Variants in ARIH2 observed in about 807,000 individuals in gnomAD.
ARIH2 encodes the protein ariadne RBR E3 ubiquitin protein ligase 2, also known as E3 ubiquitin-protein ligase ARIH2.
A neutral mutation model predicts 79.8 loss-of-function variants in ARIH2; 12 were observed. The ratio of observed to expected loss-of-function variants is 0.15; its 90% CI spans 0.10 to 0.24. The LOEUF (loss-of-function observed/expected upper bound fraction) is 0.24, where lower values mean the gene tolerates loss of function less well. Ranked by LOEUF, ARIH2 falls within the 10% of genes least tolerant of loss-of-function variation. The pLI is 1.00. For missense variants in ARIH2, 301 were observed against 618.3 expected (o/e 0.49, Z 5.44); for synonymous variants, 224 against 213.9 (o/e 1.05, Z -0.41).
chr3:48,939,757 C>CAAAAAAAAAAAAAAAAAAACAAAAAAA (rs2087771415), intron 3 of ARIH2, among the ~76,000 whole-genome samples: 1 of 43,534 alleles, frequency 2.3e-5, no homozygotes, highest in African/African-American at 5.1e-5. Flanking sequence ...GACTCCATCT[C>CAAAAAAAAAAAAAAAAAAACAAAAAAA]AAAAAAAAAA....
chr3:48,927,696 G>C lies in ARIH2; in HGVS notation c.138G>C (p.Val46=). The change falls in exon 3 of 16, where the codon GTG becomes GTC. Residue 46 remains valine, a synonymous_variant. Transcript: ENST00000356401. ...ATTACGTGGGAGTAGCCAGCGATGT[G>C]GAGCAGCAGGGGGCTGATGCCTTTG... is the stretch of plus-strand genomic sequence containing the variant. ...EDYYVGVASD[V]EQQGADAFDP... 1 of 1,614,200 alleles carries C rather than the reference G, an allele frequency of 6.2e-7. No individual in the cohort carries two copies. Among genetic ancestry groups the C allele is most frequent in the East Asian group, 2.2e-5 (1 of 44,888 alleles).
intron 9 of ARIH2, among the ~76,000 whole-genome samples, chr3:48,974,112 A>G (rs2092385667): frequency 6.6e-6 from 1 of 152,212 alleles, no homozygotes; most frequent in South Asian, 2.1e-4. Context: ...AGCCTTTAAC[A>G]GCCCTGAAAG....
intron 3 of ARIH2, among the ~76,000 whole-genome samples, chr3:48,958,835 A>G (rs1302516586): frequency 1.3e-5 from 2 of 152,030 alleles, no homozygotes; most frequent in African/African-American, 4.8e-5. Flanking sequence ...GGCAACATGG[A>G]GAAACCATGT....
intron 2 of ARIH2, among the ~76,000 whole-genome samples, chr3:48,925,780 G>A (rs554425091): frequency 5.6e-4 from 84 of 150,322 alleles, no homozygotes; most frequent in East Asian, 2.2e-3. Flanking sequence ...GTACAGTGGC[G>A]GGATCTCGGC....
intron 8 of ARIH2, 131 bp from the exon 9 acceptor site, chr3:48,973,567 CT>C: frequency 4.9e-6 from 3 of 609,710 alleles, no homozygotes; most frequent in Non-Finnish European, 8.5e-6. Context: ...CAGAGCAAGA[CT>C]CTGTCTCAAA....
At chr3:48,976,854 A>C (rs1474887119) in intron 11 of ARIH2, among the ~76,000 whole-genome samples, 1 of 151,636 alleles carries the variant, frequency 6.6e-6, no homozygotes, top group East Asian at 1.9e-4. Context: ...CAGTGAGCCG[A>C]GATTGTGCCA....
At chr3:48,929,463 T>G (rs1008591777) in intron 3 of ARIH2, among the ~76,000 whole-genome samples, 3 of 152,148 alleles carry the variant, frequency 2.0e-5, no homozygotes, top group Non-Finnish European at 4.4e-5. Flanking sequence ...CCGCCTCATC[T>G]CTTACTGCCC....
At position 48,955,395 on chromosome 3, in the gene ARIH2, G is replaced by T. The variant is rs1483024985; in HGVS notation, c.256-6217G>T. Among the ~76,000 whole-genome samples the T allele has an allele frequency of 7.3e-5, 11 of 151,358 alleles. No homozygotes were observed. In the East Asian group the frequency reaches 2.1e-3, roughly 29 times the overall value. ...CTGGATCCATTTTTCTTTTGGAAAA[G>T]ATTTGGCCTTTTCTTTATAAGTTGT... On this transcript the variant is annotated intron_variant, in intron 3 of 15. Transcript: ENST00000356401.
rs189869630 is a variant in ARIH2, at chr3:48,938,430, A to G, written c.255+10617A>G. 5.4e-3 allele frequency among the ~76,000 whole-genome samples: 816 copies of G among 152,312 alleles called. 1 individual carries two copies. The highest frequency in any genetic ancestry group is 8.2e-3 in the Non-Finnish European group (557 of 68,036). On this transcript the variant is annotated intron_variant, in intron 3 of 15. Coordinates refer to ENST00000356401, the MANE Select transcript of ARIH2 (RefSeq NM_006321.4). ...TACTTCTCAGCAGTATGAAAGAATG[A>G]GCTACTTATATAAGCATCATTGATA...
intron 11 of ARIH2, among the ~76,000 whole-genome samples, chr3:48,976,069 C>T (rs894358228): frequency 6.6e-6 from 1 of 151,876 alleles, no homozygotes; most frequent in Non-Finnish European, 1.5e-5. Context: ...CACCACCACA[C>T]CTGGCTACTT....
chr3:48,972,145 C>T (rs1332534769), intron 8 of ARIH2, among the ~76,000 whole-genome samples: 1 of 152,158 alleles, frequency 6.6e-6, no homozygotes, highest in Non-Finnish European at 1.5e-5. Context: ...CTCAGAGCAC[C>T]TCACCATGCC....
intron 11 of ARIH2, chr3:48,975,238 T>C (rs2092436624): frequency 5.1e-6 from 3 of 591,610 alleles, no homozygotes; most frequent in Non-Finnish European, 8.8e-6. Context: ...TCCTCAGTTA[T>C]CCAAGAAGAT....
At chr3:48,919,296 G>T in intron 1 of ARIH2, 1 of 1,009,278 alleles carries the variant, frequency 9.9e-7, no homozygotes, top group Non-Finnish European at 1.3e-6. Context: ...TGGCGCGGCG[G>T]GGAAACGCGC....
At chr3:48,928,516 G>A (rs2085940319) in intron 3 of ARIH2, among the ~76,000 whole-genome samples, 1 of 152,046 alleles carries the variant, frequency 6.6e-6, no homozygotes, top group African/African-American at 2.4e-5. Flanking sequence ...TCTAACACTG[G>A]CCATTATGGG....
intron 3 of ARIH2, chr3:48,948,971 G>T: frequency 2.4e-6 from 1 of 415,880 alleles, no homozygotes; most frequent in Middle Eastern, 3.5e-4. Context: ...GGGACATTGG[G>T]TTGTTTCTAA....
chr3:48,941,799 G>T (rs1454079708), intron 3 of ARIH2, among the ~76,000 whole-genome samples: 1 of 151,162 alleles, frequency 6.6e-6, no homozygotes, highest in African/African-American at 2.4e-5. Flanking sequence ...AGCCAGGATA[G>T]TCTCGATCTC....
In ARIH2 at chr3:48,983,290, G is replaced by A. The variant is rs768401421; in HGVS notation, c.*20G>A. 36 of 1,613,538 alleles carry A rather than the reference G, an allele frequency of 2.2e-5. No homozygotes were observed. Among genetic ancestry groups the A allele is most frequent in the African/African-American group, 1.6e-4 (12 of 75,048 alleles). On this transcript the variant is annotated 3_prime_UTR_variant, in exon 16 of 16. Transcript: ENST00000356401. ...ACCTAAGTTGGGATGTGGATGTGCC[G>A]GGGTGAGGAAGATGTGGCTGCAAGG...
In ARIH2 at chr3:48,979,639, T is replaced by C; in HGVS notation, c.1113+6T>C. On this transcript the variant is annotated splice_donor_region_variant and intron_variant, in intron 12 of 15. Transcript: ENST00000356401. ...ACTTATTCTACTTTGAGAGGGTAGG[T>C]GTCCTCTCCTGTACCTTCCCCTACA... The C allele has an allele frequency of 6.2e-7, 1 of 1,613,656 alleles. No homozygotes were observed.
At chr3:48,975,087 AC>A in intron 11 of ARIH2, 108 bp downstream of exon 11, 1 of 1,576,204 alleles carries the variant, frequency 6.3e-7, no homozygotes. Context: ...ACATAGAAGA[AC>A]CTCAGTCACT....
Sources: gnomAD v4.1 joint callset for allele counts (sites outside exome capture counted in the v4.1 genomes callset) on GRCh38, gnomAD v4.1.1 for gene constraint, MANE v1.5 for transcripts, NCBI Gene and HGNC (gene_info 2026-07-23, HGNC 2026-07-21) for gene names.